The following RASGRF2 variants were observed in gnomAD, a reference collection of about 807,000 sequenced individuals.
The protein encoded by RASGRF2 is ras-specific guanine nucleotide-releasing factor 2.
RASGRF2 carries 76 observed loss-of-function variants against 151.0 expected under a neutral mutation model. The ratio of observed to expected loss-of-function variants is 0.50; its 90% confidence interval spans 0.42 to 0.61. The LOEUF (loss-of-function observed/expected upper bound fraction) is 0.61, where lower values mean the gene tolerates loss of function less well. RASGRF2 is among the 20% of genes least tolerant of loss of function. The pLI, the probability that RASGRF2 is intolerant of heterozygous loss-of-function variation, is 0.00. For synonymous variants in RASGRF2, 504 were observed against 566.5 expected (o/e 0.89, Z 1.57); for missense variants, 1,148 against 1,564.6 (o/e 0.73, Z 4.49).
intron 1 of RASGRF2, among the ~76,000 whole-genome samples, chr5:81,029,336 G>A (rs1277226297): frequency 6.6e-6 from 1 of 152,234 alleles, no homozygotes; most frequent in Non-Finnish European, 1.5e-5. Context: ...ATCTGAGACA[G>A]ACAGACTGCC....
intron 18 of RASGRF2, among the ~76,000 whole-genome samples, chr5:81,199,440 T>A (rs567296302): frequency 1.3e-5 from 2 of 152,336 alleles, no homozygotes; most frequent in East Asian, 3.9e-4. Context: ...TCACTTGGGG[T>A]AAGGTGTTAT....
At chr5:81,059,976 G>A (rs978712820) in intron 2 of RASGRF2, among the ~76,000 whole-genome samples, 2 of 152,344 alleles carry the variant, frequency 1.3e-5, no homozygotes, top group African/African-American at 2.4e-5. Flanking sequence ...TGGAGAGACC[G>A]CAGGAAGCTT....
chr5:80,995,693 C>CCCCTT (rs58481061), intron 1 of RASGRF2, among the ~76,000 whole-genome samples: 1 of 97,336 alleles, frequency 1.0e-5, no homozygotes, highest in African/African-American at 3.8e-5. Flanking sequence ...TTCCCCCCCC[C>CCCCTT]TTTTTTTTTT....
At chr5:81,125,263 A>G (rs1446163981) in intron 16 of RASGRF2, among the ~76,000 whole-genome samples, 1 of 152,108 alleles carries the variant, frequency 6.6e-6, no homozygotes. Flanking sequence ...ATGGCTCCAA[A>G]TGGTTATCGG....
chr5:81,211,999 C>T (rs941751220), intron 22 of RASGRF2, among the ~76,000 whole-genome samples: 19 of 152,044 alleles, frequency 1.2e-4, no homozygotes, highest in Admixed American at 1.2e-3. Context: ...AGGGAAAGGC[C>T]CCAGGGAGTG....
intron 1 of RASGRF2, among the ~76,000 whole-genome samples, chr5:81,004,316 TCTC>T (rs1352923534): frequency 6.6e-6 from 1 of 152,224 alleles, no homozygotes; most frequent in Non-Finnish European, 1.5e-5. Flanking sequence ...GGATTATAGG[TCTC>T]CTCCTTTATC....
At chr5:81,206,714 G>A (rs750645514) in intron 19 of RASGRF2, 131 bp from the exon 20 acceptor site, 4 of 714,272 alleles carry the variant, frequency 5.6e-6, no homozygotes, top group African/African-American at 1.8e-5. Flanking sequence ...TCAGCAGTTG[G>A]TTGTGCTGCA....
chr5:81,068,413 G>T (rs1384050781), intron 3 of RASGRF2, among the ~76,000 whole-genome samples: 1 of 150,970 alleles, frequency 6.6e-6, no homozygotes, highest in African/African-American at 2.4e-5. Flanking sequence ...TTTTGGTGGG[G>T]GGTGGTTATT....
chr5:81,116,161 C>A (rs1190991300), intron 15 of RASGRF2, among the ~76,000 whole-genome samples: 2 of 136,668 alleles, frequency 1.5e-5, no homozygotes, highest in African/African-American at 5.3e-5. Flanking sequence ...TGACTCACTG[C>A]AACCTCTGCC....
At chr5:81,013,165 A>T (rs1204743943) in intron 1 of RASGRF2, among the ~76,000 whole-genome samples, 1 of 152,158 alleles carries the variant, frequency 6.6e-6, no homozygotes, top group Non-Finnish European at 1.5e-5. Flanking sequence ...TCAGTCTCCA[A>T]ACTCTGTCTT....
chr5:81,183,255 C>T (rs567217584), intron 18 of RASGRF2: 8 of 980,116 alleles, frequency 8.2e-6, no homozygotes, highest in African/African-American at 1.8e-5. Context: ...ACCCACAGAT[C>T]TAGAGAATCA....
chr5:81,205,951 G>A (rs372280391), intron 19 of RASGRF2, among the ~76,000 whole-genome samples: 98 of 152,136 alleles, frequency 6.4e-4, no homozygotes, highest in Admixed American at 4.7e-3. Context: ...GGGTTTCACC[G>A]TGTTAGCCAG....
At chr5:81,028,763 T>C (rs1750128636) in intron 1 of RASGRF2, among the ~76,000 whole-genome samples, 1 of 152,232 alleles carries the variant, frequency 6.6e-6, no homozygotes, top group Admixed American at 6.5e-5. Flanking sequence ...GATTTCTGCA[T>C]TTCCAACTGA....
intron 10 of RASGRF2, among the ~76,000 whole-genome samples, 181 bp downstream of exon 10, chr5:81,093,142 A>C (rs1168106280): frequency 4.6e-5 from 7 of 152,220 alleles, no homozygotes; most frequent in African/African-American, 9.6e-5. Context: ...TTTAAATTCA[A>C]AGTAACAGAA....
At chr5:81,065,721 G>T (rs1168991493) in intron 2 of RASGRF2, among the ~76,000 whole-genome samples, 1 of 152,102 alleles carries the variant, frequency 6.6e-6, no homozygotes, top group African/African-American at 2.4e-5. Flanking sequence ...CTTATGCAAG[G>T]TATCTGTATC....
intron 1 of RASGRF2, among the ~76,000 whole-genome samples, chr5:80,977,966 T>C (rs1384247962): frequency 6.6e-6 from 1 of 152,172 alleles, no homozygotes; most frequent in African/African-American, 2.4e-5. Context: ...GTTTAGTGGA[T>C]GGTAAATTCC....
At chr5:81,073,177 T>G (rs1751830653) in intron 4 of RASGRF2, 22 bp from the exon 5 acceptor site, 1 of 1,602,082 alleles carries the variant, frequency 6.2e-7, no homozygotes, top group East Asian at 2.2e-5. Context: ...GTCAGATTCC[T>G]TTCTGATTTT....
At chr5:81,022,887 T>C (rs758421497) in intron 1 of RASGRF2, among the ~76,000 whole-genome samples, 98 of 152,156 alleles carry the variant, frequency 6.4e-4, no homozygotes, top group Non-Finnish European at 1.2e-3. Flanking sequence ...CGTCAGTGGG[T>C]CTAGTTCTAG....
intron 2 of RASGRF2, among the ~76,000 whole-genome samples, chr5:81,054,979 T>A (rs62367408): frequency 0.013 from 1,983 of 152,212 alleles, 19 homozygotes; most frequent in Non-Finnish European, 0.016. Flanking sequence ...CTGATTTTGT[T>A]TCCTGAGACT....
Sources: gnomAD v4.1 joint callset for allele counts (sites outside exome capture counted in the v4.1 genomes callset) on GRCh38, gnomAD v4.1.1 for gene constraint, MANE v1.5 for transcripts, NCBI Gene and HGNC (gene_info 2026-07-23, HGNC 2026-07-21) for gene names.